Variants in OR4D1 observed in about 807,000 individuals in gnomAD.
OR4D1 encodes the protein olfactory receptor family 4 subfamily D member 1.
OR4D1 carries 10 observed loss-of-function variants against 14.2 expected under a neutral mutation model. The ratio of observed to expected loss-of-function variants is 0.71; its 90% CI spans 0.44 to 1.20. The LOEUF (loss-of-function observed/expected upper bound fraction) is 1.20, where lower values mean the gene tolerates loss of function less well. Among genes scored for constraint, OR4D1 ranks in the 50% most tolerant of loss-of-function variants. The pLI, the probability that OR4D1 is intolerant of heterozygous loss-of-function variation, is 0.00. For missense variants in OR4D1, 345 were observed against 376.6 expected (o/e 0.92, Z 0.70); for synonymous variants, 141 against 147.4 (o/e 0.96, Z 0.32).
chr17:58,157,069 C>T lies in OR4D1; in HGVS notation c.*983C>T. On this transcript the variant is annotated 3_prime_UTR_variant, in exon 4 of 4. Transcript: ENST00000268912. ...AAGGGGCCAGCGGTGGCGGTCGGGCCAGGTCCGGGGCCTGGGGACGCCGAG... is the reference window on the plus strand; with the variant it reads ...AAGGGGCCAGCGGTGGCGGTCGGGCTAGGTCCGGGGCCTGGGGACGCCGAG... The T allele has an allele frequency of 7.1e-7, 1 of 1,416,106 alleles. No homozygotes were observed. Among genetic ancestry groups the T allele is most frequent in the Non-Finnish European group, 9.5e-7 (1 of 1,052,548 alleles). 87.7% of individuals were successfully genotyped at this position (1,416,106 alleles called of 1,614,324 possible). A position where few individuals can be genotyped will look rare whatever the true frequency, so the allele number is the denominator to read the frequency against.
At position 58,158,457 on chromosome 17, in the gene OR4D1, C is replaced by CT. The variant is rs891169841; in HGVS notation, c.*2371_*2372insT. The CT allele has an allele frequency of 2.8e-5, 4 of 145,160 alleles. 1 individual carries two copies. In the East Asian group the frequency reaches 6.6e-4, roughly 24 times the overall value. The allele number at this position is 145,160 out of a possible 1,614,324, so 9.0% of individuals were successfully genotyped here. A position where few individuals can be genotyped will look rare whatever the true frequency, so the allele number is the denominator to read the frequency against. On this transcript the variant is annotated 3_prime_UTR_variant, in exon 4 of 4. Coordinates refer to ENST00000268912, the MANE Select transcript of OR4D1 (RefSeq NM_001386095.1). ...TATCTCTCCCCACGCCCACCCCCCC[C>CT]CCACACACACATTTTTACAGTTTTA...
At position 58,156,381 on chromosome 17, in the gene OR4D1, C is replaced by T. The variant is rs1381842820; in HGVS notation, c.*295C>T. The T allele has an allele frequency of 1.5e-5, 4 of 264,864 alleles. No homozygotes were observed. The highest frequency in any genetic ancestry group is 2.8e-5 in the Non-Finnish European group (4 of 140,662). 16.4% of individuals were successfully genotyped at this position (264,864 alleles called of 1,614,324 possible). A position where few individuals can be genotyped will look rare whatever the true frequency, so the allele number is the denominator to read the frequency against. On this transcript the variant is annotated 3_prime_UTR_variant, in exon 4 of 4. Transcript: ENST00000268912. ...TCTCCTGCCTCAGCCTCCCGCGCAGCTGGGATTACAGGCACCCACCACCAC... is the reference window on the plus strand; with the variant it reads ...TCTCCTGCCTCAGCCTCCCGCGCAGTTGGGATTACAGGCACCCACCACCAC...
At chr17:58,154,499 T>C (rs1374717115) in intron 3 of OR4D1, among the ~76,000 whole-genome samples, 1 of 152,160 alleles carries the variant, frequency 6.6e-6, no homozygotes, top group East Asian at 1.9e-4. Context: ...ACTACAGAAG[T>C]ACTTACAGGG....
At chr17:58,154,625 C>T (rs1219019038) in intron 3 of OR4D1, among the ~76,000 whole-genome samples, 2 of 152,238 alleles carry the variant, frequency 1.3e-5, no homozygotes, top group Non-Finnish European at 2.9e-5. Context: ...ATGCACACCT[C>T]TCTTTCTCCA....
chr17:58,153,656 G>A (rs1967729300), intron 2 of OR4D1, among the ~76,000 whole-genome samples: 1 of 152,060 alleles, frequency 6.6e-6, no homozygotes, highest in Non-Finnish European at 1.5e-5. Context: ...ACCTTTTTAT[G>A]TTCTATTGTC....
At chr17:58,150,842 C>T (rs1967693810) in intron 2 of OR4D1, among the ~76,000 whole-genome samples, 1 of 152,114 alleles carries the variant, frequency 6.6e-6, no homozygotes, top group South Asian at 2.1e-4. Context: ...TCTCCTTCCC[C>T]GAACCCTTCC....
At position 58,148,414 on chromosome 17, in the gene OR4D1, C is replaced by T. The variant is rs1967660049; in HGVS notation, c.-665C>T. ...CCAAGGAATTTCCCTTTCCTTAAGG[C>T]CAATCCCATATGTGTTCCTTGTCTG... On this transcript the variant is annotated 5_prime_UTR_variant, in exon 1 of 4. Transcript: ENST00000268912. The T allele has an allele frequency of 6.6e-6, 1 of 152,252 alleles. No homozygotes were observed. The highest frequency in any genetic ancestry group is 6.5e-5 in the Admixed American group (1 of 15,278). 9.4% of individuals were successfully genotyped at this position (152,252 alleles called of 1,614,324 possible).
chr17:58,157,722 C>G lies in OR4D1; in HGVS notation c.*1636C>G. 1.9e-6 allele frequency: 3 copies of G among 1,613,758 alleles called. No individual in the cohort carries two copies. Among genetic ancestry groups the G allele is most frequent in the South Asian group, 2.2e-5 (2 of 91,070 alleles). Reference sequence around the variant, plus strand: ...GCGTCCATATACGCAGCATCCTACCCGTTCCATAGACCTGTGCTTCCCATC... The same window carrying G: ...GCGTCCATATACGCAGCATCCTACCGGTTCCATAGACCTGTGCTTCCCATC... On this transcript the variant is annotated 3_prime_UTR_variant, in exon 4 of 4. Coordinates refer to ENST00000268912, the MANE Select transcript of OR4D1 (RefSeq NM_001386095.1).
At position 58,158,877 on chromosome 17, in the gene OR4D1, A is replaced by G. The variant is rs1345691012; in HGVS notation, c.*2791A>G. On this transcript the variant is annotated 3_prime_UTR_variant, in exon 4 of 4. Transcript: ENST00000268912. Reference sequence around the variant, plus strand: ...TGCTAAACTTATTAGAAAATTTTATATACTTTTTAACATGTCCAGGGCAGA... The same window carrying G: ...TGCTAAACTTATTAGAAAATTTTATGTACTTTTTAACATGTCCAGGGCAGA... 6.6e-6 allele frequency: 1 copy of G among 152,358 alleles called. No individual in the cohort carries two copies. The highest frequency in any genetic ancestry group is 2.4e-5 in the African/African-American group (1 of 41,426). The allele number at this position is 152,358 out of a possible 1,614,324, so 9.4% of individuals were successfully genotyped here. A position where few individuals can be genotyped will look rare whatever the true frequency, so the allele number is the denominator to read the frequency against.
Position 58,155,176 on chromosome 17 carries a change from A to C in OR4D1, c.23A>C (p.Gln8Pro). The C allele has an allele frequency of 6.2e-7, 1 of 1,613,792 alleles. No individual in the cohort carries two copies. The highest frequency in any genetic ancestry group is 8.5e-7 in the Non-Finnish European group (1 of 1,179,734). MEPQNTT[Q>P]VSMFVLLGFS... Reference sequence around the variant, plus strand: ...CCTATGGAACCACAGAACACCACACAGGTATCAATGTTTGTCCTCTTAGGG... The same window carrying C: ...CCTATGGAACCACAGAACACCACACCGGTATCAATGTTTGTCCTCTTAGGG... The change falls in exon 4 of 4, where the codon CAG becomes CCG. Residue 8 changes from glutamine (Q) to proline (P), a missense_variant. Transcript: ENST00000268912.
At chr17:58,151,293 G>A (rs749722875) in intron 2 of OR4D1, among the ~76,000 whole-genome samples, 5 of 152,088 alleles carry the variant, frequency 3.3e-5, no homozygotes, top group African/African-American at 4.8e-5. Context: ...GGGTACATGT[G>A]CAGGATGTGC....
rs1468299637 is a variant in OR4D1, at chr17:58,159,555, T to G, written c.*3469T>G. ...TCTTGGACTGTCCAGCCTCCAGAAC[T>G]GCAAAAGAATAAATTTCTGTTCTTT... On this transcript the variant is annotated 3_prime_UTR_variant, in exon 4 of 4. Transcript: ENST00000268912. 1 of 152,326 alleles carries G rather than the reference T, an allele frequency of 6.6e-6. No homozygotes were observed. The highest frequency in any genetic ancestry group is 1.5e-5 in the Non-Finnish European group (1 of 68,096). 9.4% of individuals were successfully genotyped at this position (152,326 alleles called of 1,614,324 possible).
intron 2 of OR4D1, 93 bp downstream of exon 2, chr17:58,149,889 G>A (rs1370366791): frequency 1.3e-5 from 2 of 152,118 alleles, no homozygotes; most frequent in Non-Finnish European, 2.9e-5. Flanking sequence ...CATGTGATCT[G>A]GGAGAAATTA....
intron 2 of OR4D1, among the ~76,000 whole-genome samples, chr17:58,150,866 C>T (rs1212428150): frequency 1.3e-5 from 2 of 152,124 alleles, no homozygotes; most frequent in Non-Finnish European, 2.9e-5. Flanking sequence ...TGCACACCTG[C>T]GGTTGTCTTT....
At position 58,157,870 on chromosome 17, in the gene OR4D1, G is replaced by A. The variant is rs2143665191; in HGVS notation, c.*1784G>A. On this transcript the variant is annotated 3_prime_UTR_variant, in exon 4 of 4. Coordinates refer to ENST00000268912, the MANE Select transcript of OR4D1 (RefSeq NM_001386095.1). ...CAAAGGGTTTCCTCTCCCTCTCCAA[G>A]AAGGCAGGACCAGCCAATACTCCTG... The A allele has an allele frequency of 6.7e-7, 1 of 1,484,954 alleles. No individual in the cohort carries two copies. Among genetic ancestry groups the A allele is most frequent in the Non-Finnish European group, 9.3e-7 (1 of 1,077,372 alleles). 92.0% of individuals were successfully genotyped at this position (1,484,954 alleles called of 1,614,324 possible). A position where few individuals can be genotyped will look rare whatever the true frequency, so the allele number is the denominator to read the frequency against.
chr17:58,157,508 G>T lies in OR4D1; in HGVS notation c.*1422G>T, dbSNP rs1367739323. The T allele has an allele frequency of 1.6e-6, 2 of 1,230,780 alleles. No individual in the cohort carries two copies. Among genetic ancestry groups the T allele is most frequent in the Non-Finnish European group, 2.4e-6 (2 of 832,846 alleles). The allele number at this position is 1,230,780 out of a possible 1,614,324, so 76.2% of individuals were successfully genotyped here. ...GCTCCAGAAACAGTACCTCTCCATT[G>T]CAGAGGGTGCGGACTTCTCCAGCTC... On this transcript the variant is annotated 3_prime_UTR_variant, in exon 4 of 4. Coordinates refer to ENST00000268912, the MANE Select transcript of OR4D1 (RefSeq NM_001386095.1).
At position 58,155,247 on chromosome 17, in the gene OR4D1, C is replaced by T. The variant is rs780322973; in HGVS notation, c.94C>T (p.Leu32=). Residue 32 remains leucine (L), a synonymous_variant, in exon 4 of 4, where the codon CTG becomes TTG. Coordinates refer to ENST00000268912, the MANE Select transcript of OR4D1 (RefSeq NM_001386095.1). The part of the protein sequence containing the change: ...ELQKFLFLLF[L]LVYVTTIVGN... ...CCAGAAATTCCTGTTCCTTCTGTTC[C>T]TGTTAGTCTATGTTACCACCATTGT... 1.3e-5 allele frequency: 21 copies of T among 1,614,010 alleles called. No homozygotes were observed. Among genetic ancestry groups the T allele is most frequent in the Non-Finnish European group, 1.7e-5 (20 of 1,180,000 alleles).
rs1967747131 is a variant in OR4D1 at position 58,155,048 on chromosome 17, TAATC to T, written c.-19-84_-19-81del. On this transcript the variant is annotated intron_variant, in intron 3 of 3. Coordinates refer to ENST00000268912, the MANE Select transcript of OR4D1 (RefSeq NM_001386095.1). The stretch of plus-strand genomic sequence containing the variant: ...CGGATTGACACTCAACAACTCAACT[TAATC>T]AACTCAATCCTGACTGTCCAAGGAA... 6.7e-6 allele frequency: 6 copies of T among 901,020 alleles called. No homozygotes were observed. The South Asian group carries it at 8.3e-5, about 13-fold the overall frequency. 55.8% of individuals were successfully genotyped at this position (901,020 alleles called of 1,614,324 possible).
Position 58,156,102 on chromosome 17 carries a change from A to C in OR4D1, c.*16A>C. 1 of 1,469,014 alleles carries C rather than the reference A, an allele frequency of 6.8e-7. No homozygotes were observed. Among genetic ancestry groups the C allele is most frequent in the East Asian group, 2.3e-5 (1 of 43,802 alleles). 91.0% of individuals were successfully genotyped at this position (1,469,014 alleles called of 1,614,324 possible). ...CAGGGAGTAAACTTTAAGTAAGTTG[A>C]CTTTAAATGACAAATTTCTCTGGAT... On this transcript the variant is annotated 3_prime_UTR_variant, in exon 4 of 4. Coordinates refer to ENST00000268912, the MANE Select transcript of OR4D1 (RefSeq NM_001386095.1).
Sources: gnomAD v4.1 joint callset for allele counts (sites outside exome capture counted in the v4.1 genomes callset) on GRCh38, gnomAD v4.1.1 for gene constraint, MANE v1.5 for transcripts, NCBI Gene and HGNC (gene_info 2026-07-23, HGNC 2026-07-21) for gene names.